Variants in CSMD1 observed in about 807,000 individuals in gnomAD.
CSMD1 encodes CUB and sushi domain-containing protein 1.
A neutral mutation model predicts 417.5 loss-of-function variants in CSMD1; 213 were observed. That is an observed-to-expected ratio of 0.51 (90% CI 0.46 to 0.57). The LOEUF is 0.57. CSMD1 is among the 20% of genes least tolerant of loss of function. The probability of loss-of-function intolerance (pLI) is 0.00; values close to 1 mark genes in which losing one functional copy is unlikely to be tolerated. For missense variants in CSMD1, 6,923 were observed against 4,529.7 expected, an observed-to-expected ratio of 1.53 and a Z score of -15.17; for synonymous variants, 2,862 against 1,736.8, an observed-to-expected ratio of 1.65 and a Z score of -16.11.
At chr8:4,910,596 T>A (rs766760060) in intron 1 of CSMD1, among the ~76,000 whole-genome samples, 1 of 152,190 alleles carries the variant, frequency 6.6e-6, no homozygotes, top group Non-Finnish European at 1.5e-5. Flanking sequence ...CCTCATAACC[T>A]AATCACTTCC....
At chr8:4,287,394 C>A (rs78095862) in intron 3 of CSMD1, among the ~76,000 whole-genome samples, 107 of 152,212 alleles carry the variant, frequency 7.0e-4, no homozygotes, top group African/African-American at 2.5e-3. Context: ...GAACAACATC[C>A]CATGATTTCC....
At chr8:3,343,767 C>T (rs1171484736) in intron 22 of CSMD1, among the ~76,000 whole-genome samples, 1 of 151,918 alleles carries the variant, frequency 6.6e-6, no homozygotes, top group Non-Finnish European at 1.5e-5. Flanking sequence ...CATTATCTAC[C>T]TTTTTATTCC....
chr8:4,499,166 A>G (rs1802126665), intron 2 of CSMD1, among the ~76,000 whole-genome samples: 1 of 152,210 alleles, frequency 6.6e-6, no homozygotes, highest in African/African-American at 2.4e-5. Flanking sequence ...GGAAGATGCC[A>G]TCAAAGGAAA....
At chr8:3,985,917 C>T (rs10091533) in intron 5 of CSMD1, among the ~76,000 whole-genome samples, 2,664 of 137,350 alleles carry the variant, frequency 0.019, 78 homozygotes, top group African/African-American at 0.071. Flanking sequence ...CATTTCAAAC[C>T]ATTTTGCATA....
chr8:4,032,295 A>G (rs1224897547), intron 3 of CSMD1, among the ~76,000 whole-genome samples, 196 bp from the exon 4 acceptor site: 2 of 152,264 alleles, frequency 1.3e-5, no homozygotes, highest in African/African-American at 2.4e-5. Context: ...TAACACTTTT[A>G]TAAACATCAT....
At chr8:4,097,769 G>A (rs887013593) in intron 3 of CSMD1, among the ~76,000 whole-genome samples, 1 of 152,208 alleles carries the variant, frequency 6.6e-6, no homozygotes, top group Non-Finnish European at 1.5e-5. Context: ...TTCTGGGTAA[G>A]TACGAACATT....
chr8:3,737,227 T>G (rs895212685), intron 6 of CSMD1, among the ~76,000 whole-genome samples: 2 of 133,510 alleles, frequency 1.5e-5, no homozygotes, highest in Non-Finnish European at 3.4e-5. Context: ...ATTGATTTTT[T>G]GCTTTCTAGA....
chr8:2,980,646 C>A (rs553561887), intron 54 of CSMD1, among the ~76,000 whole-genome samples: 2 of 152,034 alleles, frequency 1.3e-5, no homozygotes, highest in African/African-American at 4.8e-5. Flanking sequence ...TCCACCACGG[C>A]TGGTGAAGGG....
intron 5 of CSMD1, among the ~76,000 whole-genome samples, chr8:3,980,296 G>A (rs1273015866): frequency 1.3e-5 from 2 of 152,294 alleles, no homozygotes; most frequent in South Asian, 4.1e-4. Context: ...ACAGCCCAAT[G>A]CTATTCTTGT....
rs1405462070 is a variant in CSMD1 at position 3,083,636 on chromosome 8, ATATATATATATATTTTTTTTTTTTTTTT to A, written c.7474+3433_7474+3460del. Among the ~76,000 whole-genome samples, 18 of 21,518 alleles carry A rather than the reference ATATATATATATATTTTTTTTTTTTTTTT, an allele frequency of 8.4e-4. 1 individual carries two copies. Among genetic ancestry groups the A allele is most frequent in the African/African-American group, 2.1e-3 (12 of 5,816 alleles). The allele number at this position is 21,518 out of a possible 152,430, so 14.1% of individuals were successfully genotyped here. A position where few individuals can be genotyped will look rare whatever the true frequency, so the allele number is the denominator to read the frequency against. ...TATATATATATATATATATATATATATATATATATATATTTTTTTTTTTTTTTTTTTTTTTTTTTTTTTTGGTCTCATT... is the reference window on the plus strand; with the variant it reads ...TATATATATATATATATATATATATATTTTTTTTTTTTTTTTGGTCTCATT... On this transcript the variant is annotated intron_variant, in intron 49 of 69. Coordinates refer to ENST00000635120, the MANE Select transcript of CSMD1 (RefSeq NM_033225.6).
At chr8:3,919,139 T>C (rs1009212666) in intron 5 of CSMD1, among the ~76,000 whole-genome samples, 2 of 139,316 alleles carry the variant, frequency 1.4e-5, no homozygotes, top group African/African-American at 5.4e-5. Context: ...TTTGACGTAG[T>C]CCCACTTCTT....
At chr8:3,913,313 C>T (rs1808585298) in intron 5 of CSMD1, among the ~76,000 whole-genome samples, 2 of 152,138 alleles carry the variant, frequency 1.3e-5, no homozygotes, top group East Asian at 1.9e-4. Context: ...GACCATCGAC[C>T]TGCTCAGGAG....
At chr8:4,588,797 C>CACACACACACACAG (rs1799840586) in intron 2 of CSMD1, among the ~76,000 whole-genome samples, 1 of 151,736 alleles carries the variant, frequency 6.6e-6, no homozygotes, top group Non-Finnish European at 1.5e-5. Flanking sequence ...CACACACACA[C>CACACACACACACAG]ACACACACAA....
At position 4,081,510 on chromosome 8, in the gene CSMD1, A is replaced by T. The variant is rs539052752; in HGVS notation, c.416-49411T>A. Among the ~76,000 whole-genome samples, 389 of 152,298 alleles carry T rather than the reference A, an allele frequency of 2.6e-3. 2 individuals carry two copies. The highest frequency in any genetic ancestry group is 4.5e-3 in the Non-Finnish European group (304 of 68,020). On this transcript the variant is annotated intron_variant, in intron 3 of 69. Coordinates refer to ENST00000635120, the MANE Select transcript of CSMD1 (RefSeq NM_033225.6). ...TACAGGGAGGCTCACATGACAAGGA[A>T]CTGGGGTCCCCCTACCAACCACCGG...
rs188707594 is a variant in CSMD1 at position 3,725,188 on chromosome 8, A to G, written c.932-16697T>C. Among the ~76,000 whole-genome samples the G allele has an allele frequency of 2.2e-3, 333 of 152,274 alleles. 2 individuals carry two copies. Among genetic ancestry groups the G allele is most frequent in the Middle Eastern group, 0.02 (6 of 294 alleles). On this transcript the variant is annotated intron_variant, in intron 6 of 69. Coordinates refer to ENST00000635120, the MANE Select transcript of CSMD1 (RefSeq NM_033225.6). The stretch of plus-strand genomic sequence containing the variant: ...AGCTGTGCCCTGAAGGCAAGGAGGT[A>G]GGTTCAAGGAAATGAAAGTGAAAAG...
chr8:4,883,205 C>T (rs1200202426), intron 1 of CSMD1, among the ~76,000 whole-genome samples: 1 of 151,952 alleles, frequency 6.6e-6, no homozygotes, highest in East Asian at 1.9e-4. Context: ...CAGAACATGA[C>T]GTCTACCAGA....
chr8:3,731,796 T>C (rs1379150065), intron 6 of CSMD1, among the ~76,000 whole-genome samples: 1 of 152,146 alleles, frequency 6.6e-6, no homozygotes, highest in Non-Finnish European at 1.5e-5. Context: ...GCTTATGTTT[T>C]GGACATGTGA....
intron 5 of CSMD1, among the ~76,000 whole-genome samples, chr8:3,880,179 A>G (rs546676656): frequency 6.6e-6 from 1 of 152,188 alleles, no homozygotes; most frequent in Non-Finnish European, 1.5e-5. Context: ...TGGATTCAAG[A>G]ATAGCCAAGA....
At chr8:3,383,598 C>A (rs1341707639) in intron 18 of CSMD1, among the ~76,000 whole-genome samples, 2 of 152,142 alleles carry the variant, frequency 1.3e-5, no homozygotes, top group East Asian at 1.9e-4. Context: ...TTAAAAATTT[C>A]TATTCATCGA....
Sources: allele counts gnomAD v4.1 joint callset (sites outside exome capture counted in the v4.1 genomes callset), GRCh38; gene constraint gnomAD v4.1.1; transcripts MANE v1.5; gene names NCBI Gene and HGNC (gene_info 2026-07-23, HGNC 2026-07-21).